Variants in MERTK observed in about 807,000 individuals in gnomAD.
The protein encoded by MERTK is MER proto-oncogene, tyrosine kinase, also known as tyrosine-protein kinase Mer.
In MERTK, 69 loss-of-function variants were observed where a neutral mutation model predicts 99.3. The observed-to-expected ratio is 0.70, with a 90% confidence interval of 0.57 to 0.85. The LOEUF (loss-of-function observed/expected upper bound fraction) is 0.85, where lower values mean the gene tolerates loss of function less well. Among genes scored for constraint, MERTK ranks in the 40% least tolerant of loss-of-function variants. MERTK has a pLI of 0.00. For synonymous variants in MERTK, 426 were observed against 467.6 expected, an observed-to-expected ratio of 0.91 and a Z score of 1.15; for missense variants, 1,125 against 1,249.4, an observed-to-expected ratio of 0.90 and a Z score of 1.50.
chr2:112,023,542 C>T (rs917656052), intron 18 of MERTK, among the ~76,000 whole-genome samples: 12 of 152,142 alleles, frequency 7.9e-5, no homozygotes, highest in Non-Finnish European at 1.5e-4. Context: ...GGGCCCCCGT[C>T]TTCAAGGCCA....
intron 18 of MERTK, among the ~76,000 whole-genome samples, chr2:112,025,055 C>T (rs927972005): frequency 3.9e-5 from 6 of 152,196 alleles, no homozygotes; most frequent in East Asian, 1.9e-4. Context: ...GTCGAGGTCA[C>T]GGATGAGAGC....
At chr2:112,014,317 G>A (rs371286757) in intron 15 of MERTK, among the ~76,000 whole-genome samples, 35 of 151,180 alleles carry the variant, frequency 2.3e-4, no homozygotes, top group African/African-American at 7.5e-4. Context: ...CACCGTGCCC[G>A]GCCATGCCTG....
chr2:111,937,147 A>G (rs1684778556), intron 2 of MERTK, among the ~76,000 whole-genome samples: 1 of 152,074 alleles, frequency 6.6e-6, no homozygotes, highest in African/African-American at 2.4e-5. Context: ...TTTTCTTTAT[A>G]AAAATGTTAA....
rs1471644741 is a variant in MERTK, at chr2:111,975,319, T to A, written c.991T>A (p.Ser331Thr). Residue 331 changes from serine (S) to threonine (T), a missense_variant, in exon 7 of 19, where the codon TCA becomes ACA. Transcript: ENST00000295408. The part of the protein sequence containing the change: ...VKEADPLSNG[S>T]VMIFNTSALP... ...GGAAGCTGATCCGCTGAGTAATGGC[T>A]CAGTCATGATTTTTAACACCTCTGC... is the stretch of plus-strand genomic sequence containing the variant. 2.5e-6 allele frequency: 4 copies of A among 1,614,078 alleles called. No homozygotes were observed. Among genetic ancestry groups the A allele is most frequent in the African/African-American group, 1.3e-5 (1 of 74,914 alleles).
intron 8 of MERTK, 45 bp downstream of exon 8, chr2:111,983,038 A>G: frequency 1.9e-6 from 3 of 1,611,534 alleles, no homozygotes; most frequent in Non-Finnish European, 2.5e-6. Flanking sequence ...TCTCCTTTCA[A>G]CTTGCTGGTT....
chr2:111,991,182 A>G (rs1414895992), intron 8 of MERTK, among the ~76,000 whole-genome samples: 3 of 152,198 alleles, frequency 2.0e-5, no homozygotes, highest in Admixed American at 1.3e-4. Context: ...ACACAGAATG[A>G]CCAACTAACT....
intron 1 of MERTK, among the ~76,000 whole-genome samples, chr2:111,909,893 A>G (rs1684209951): frequency 6.6e-6 from 1 of 152,180 alleles, no homozygotes. Context: ...TACAGATGGA[A>G]CTACCATATG....
At chr2:111,991,600 TAAC>T (rs2104396299) in intron 8 of MERTK, among the ~76,000 whole-genome samples, 1 of 152,130 alleles carries the variant, frequency 6.6e-6, no homozygotes, top group South Asian at 2.1e-4. Context: ...TTCACTTAAT[TAAC>T]AAAAAAAAGT....
chr2:111,964,057 C>CTTT (rs1215479415), intron 4 of MERTK, among the ~76,000 whole-genome samples: 3 of 44,076 alleles, frequency 6.8e-5, no homozygotes, highest in African/African-American at 2.9e-4. Flanking sequence ...TTTTTTTTTG[C>CTTT]TCTTTCCATA....
rs750148110 is a variant in MERTK, at chr2:111,965,296, C to T, written c.844+19C>T. The T allele has an allele frequency of 6.2e-7, 1 of 1,612,456 alleles. No homozygotes were observed. ...ATCAAAGGTAAGCAGCAAGGCTAGG[C>T]TCCCCATGCATGTTCTGGGAGCTGG... On this transcript the variant is annotated intron_variant, in intron 5 of 18. Coordinates refer to ENST00000295408, the MANE Select transcript of MERTK (RefSeq NM_006343.3).
At position 111,972,538 on chromosome 2, in the gene MERTK, T is replaced by C. The variant is rs146049192; in HGVS notation, c.961-2751T>C. Among the ~76,000 whole-genome samples the C allele has an allele frequency of 4.2e-3, 643 of 152,326 alleles. 14 individuals are homozygous for C. The highest frequency in any genetic ancestry group is 0.033 in the Admixed American group (504 of 15,302). ...TTTCTGCCATGGTTTTGGGTGTTCATGGTACACATGAAGAAGCATCCTGAG... is the reference window on the plus strand; with the variant it reads ...TTTCTGCCATGGTTTTGGGTGTTCACGGTACACATGAAGAAGCATCCTGAG... On this transcript the variant is annotated intron_variant, in intron 6 of 18. Transcript: ENST00000295408.
intron 1 of MERTK, among the ~76,000 whole-genome samples, chr2:111,920,996 A>T (rs913851253): frequency 6.6e-6 from 1 of 152,018 alleles, no homozygotes; most frequent in Non-Finnish European, 1.5e-5. Context: ...GTATTGCATA[A>T]ATAGTACTAA....
At chr2:111,951,548 T>TATATATATATATATATATATATATAC (rs1491494901) in intron 4 of MERTK, among the ~76,000 whole-genome samples, 1 of 118,914 alleles carries the variant, frequency 8.4e-6, no homozygotes. Context: ...TATATATATA[T>TATATATATATATATATATATATATAC]ACCATAATTT....
In MERTK at chr2:112,022,474, C is replaced by T. The variant is rs757099842; in HGVS notation, c.2486+80C>T. The T allele has an allele frequency of 3.1e-6, 5 of 1,597,612 alleles. No homozygotes were observed. In the East Asian group the frequency reaches 8.9e-5, roughly 29 times the overall value. ...TCTGCACTGACCTCGGAAACACAGC[C>T]ATGGGAGGGGAAAGGGACTGCTGTT... On this transcript the variant is annotated intron_variant, in intron 18 of 18. Transcript: ENST00000295408.
intron 6 of MERTK, among the ~76,000 whole-genome samples, chr2:111,974,769 C>CAAAAAAA (rs35594851): frequency 5.5e-4 from 29 of 53,202 alleles, no homozygotes; most frequent in African/African-American, 1.0e-3. Context: ...AGGTCCATCT[C>CAAAAAAA]AAAAAAAAAA....
intron 4 of MERTK, among the ~76,000 whole-genome samples, chr2:111,960,480 C>CAAAA (rs61179378): frequency 2.7e-3 from 206 of 75,750 alleles, no homozygotes; most frequent in Non-Finnish European, 3.6e-3. Context: ...GTCTCAGTCT[C>CAAAA]AAAAAAAAAA....
intron 7 of MERTK, among the ~76,000 whole-genome samples, chr2:111,975,953 A>G (rs1344593445): frequency 2.1e-5 from 3 of 141,540 alleles, no homozygotes; most frequent in East Asian, 4.9e-4. Context: ...CCTCCCTCCC[A>G]ACCCCGTCCC....
intron 2 of MERTK, among the ~76,000 whole-genome samples, chr2:111,944,128 G>T (rs1402469603): frequency 6.6e-6 from 1 of 151,946 alleles, no homozygotes; most frequent in Non-Finnish European, 1.5e-5. Context: ...GCAAATCCCT[G>T]TCTCTACTAA....
intron 13 of MERTK, among the ~76,000 whole-genome samples, chr2:112,004,634 G>A (rs1273365976): frequency 3.3e-5 from 5 of 152,108 alleles, no homozygotes; most frequent in Non-Finnish European, 5.9e-5. Context: ...TTAACCAGCC[G>A]GGCACGGTGG....
Sources: gnomAD v4.1 joint callset for allele counts (sites outside exome capture counted in the v4.1 genomes callset) on GRCh38, gnomAD v4.1.1 for gene constraint, MANE v1.5 for transcripts, NCBI Gene and HGNC (gene_info 2026-07-23, HGNC 2026-07-21) for gene names.